Variants in C4orf51 observed in about 807,000 individuals in gnomAD.
C4orf51 encodes uncharacterized protein C4orf51.
C4orf51 carries 25 observed loss-of-function variants against 25.2 expected under a neutral mutation model. That is an observed-to-expected ratio of 0.99 (90% confidence interval 0.72 to 1.39). The LOEUF is 1.39. C4orf51 is among the 40% of genes most tolerant of loss of function. The probability of loss-of-function intolerance (pLI) is 0.00; values close to 1 mark genes in which losing one functional copy is unlikely to be tolerated. For synonymous variants in C4orf51, 100 were observed against 84.5 expected (o/e 1.18, Z -1.01); for missense variants, 252 against 239.6 (o/e 1.05, Z -0.34).
In C4orf51 at chr4:145,763,089, C is replaced by T. The variant is rs1457169568; in HGVS notation, n.167-7899C>T. The T allele has an allele frequency of 6.5e-7, 1 of 1,535,896 alleles. No individual in the cohort carries two copies. Among genetic ancestry groups the T allele is most frequent in the Non-Finnish European group, 8.7e-7 (1 of 1,146,834 alleles). ...AACCCCTACGCCAAGCTGGGCCTTA[C>T]CTAGAGGAGTCTGAAACTCACCACT... On this transcript the variant is annotated intron_variant and non_coding_transcript_variant, in intron 1 of 1. Coordinates refer to the C4orf51 transcript ENST00000510096. The surrounding 1 kb of genome is among the most constrained non-coding windows in gnomAD (Gnocchi z 4.6).
chr4:145,720,142 T>C (rs1333604800), intron 2 of C4orf51, among the ~76,000 whole-genome samples: 1 of 151,998 alleles, frequency 6.6e-6, no homozygotes, highest in Non-Finnish European at 1.5e-5. Flanking sequence ...GAGGGAGGCT[T>C]TTTCCATGGG....
intron 1 of C4orf51, among the ~76,000 whole-genome samples, chr4:145,747,753 T>G (rs570544671): frequency 2.1e-5 from 3 of 145,370 alleles, no homozygotes; most frequent in Admixed American, 2.1e-4. Context: ...TTTTCCTTCC[T>G]TCCTTCCTTC....
chr4:145,765,646 C>G lies in C4orf51; in HGVS notation n.167-5342C>G. 6.2e-7 allele frequency: 1 copy of G among 1,614,142 alleles called. No homozygotes were observed. Among genetic ancestry groups the G allele is most frequent in the Non-Finnish European group, 8.5e-7 (1 of 1,180,008 alleles). ...CCGCCCTTGTTTTTCTGGGAGCCATCTGAATCATCTTTGCTGTTGGCTGAA... is the reference window on the plus strand; with the variant it reads ...CCGCCCTTGTTTTTCTGGGAGCCATGTGAATCATCTTTGCTGTTGGCTGAA... On this transcript the variant is annotated intron_variant and non_coding_transcript_variant, in intron 1 of 1. Transcript: ENST00000510096. This position sits in a 1 kb window ranked among gnomAD's most constrained non-coding sequence, Gnocchi z 4.7.
chr4:145,687,606 AG>A (rs1389654115), intron 1 of C4orf51, among the ~76,000 whole-genome samples: 1 of 152,232 alleles, frequency 6.6e-6, no homozygotes, highest in Non-Finnish European at 1.5e-5. Flanking sequence ...AAAGAGAAAA[AG>A]TTGTGATAAC....
intron 1 of C4orf51, among the ~76,000 whole-genome samples, chr4:145,695,209 G>A (rs1729970267): frequency 6.6e-6 from 1 of 152,200 alleles, no homozygotes; most frequent in South Asian, 2.1e-4. Context: ...TACCAACAGT[G>A]TAAAAGTGTT....
chr4:145,769,799 C>A (rs1385393699), intron 1 of C4orf51, among the ~76,000 whole-genome samples: 1 of 152,148 alleles, frequency 6.6e-6, no homozygotes, highest in African/African-American at 2.4e-5. Flanking sequence ...GGACAACCAG[C>A]TGAAGAGAAC....
rs763205195 is a variant in C4orf51, at chr4:145,729,136, G to T, written c.367-33G>T. 20 of 1,377,432 alleles carry T rather than the reference G, an allele frequency of 1.5e-5. No individual in the cohort carries two copies. In the South Asian group the frequency reaches 2.4e-4, roughly 17 times the overall value. The allele number at this position is 1,377,432 out of a possible 1,614,324, so 85.3% of individuals were successfully genotyped here. A position where few individuals can be genotyped will look rare whatever the true frequency, so the allele number is the denominator to read the frequency against. ...TTAGATTTCTATTATTATGAAAGTGGTTGGTATTTATTTCTATCTCTCCTT... is the reference window on the plus strand; with the variant it reads ...TTAGATTTCTATTATTATGAAAGTGTTTGGTATTTATTTCTATCTCTCCTT... On this transcript the variant is annotated intron_variant, in intron 3 of 5. Transcript: ENST00000438731.
rs547075220 is a variant in C4orf51 at position 145,729,297 on chromosome 4, A to ATTTTTTTTTTTT, written c.427+81_427+92dup. The ATTTTTTTTTTTT allele has an allele frequency of 9.2e-5, 27 of 292,886 alleles. 1 individual carries two copies. The highest frequency in any genetic ancestry group is 1.5e-4 in the African/African-American group (3 of 20,378). The allele number at this position is 292,886 out of a possible 1,614,324, so 18.1% of individuals were successfully genotyped here. A position where few individuals can be genotyped will look rare whatever the true frequency, so the allele number is the denominator to read the frequency against. ...CCTTTATTTTAATCGTGGTCATGTG[A>ATTTTTTTTTTTT]TTTTTTTTTTTTTTTTTTTTTTTTG... On this transcript the variant is annotated intron_variant, in intron 4 of 5. Coordinates refer to ENST00000438731, the MANE Select transcript of C4orf51 (RefSeq NM_001080531.3).
chr4:145,740,240 CAA>C (rs60310006), intron 1 of C4orf51, among the ~76,000 whole-genome samples: 274 of 104,600 alleles, frequency 2.6e-3, no homozygotes, highest in Non-Finnish European at 3.0e-3. Flanking sequence ...TCCCTTTCTG[CAA>C]AAAAAAAAAA....
At chr4:145,778,277 G>C in the C4orf51 span, among the ~76,000 whole-genome samples, 14 of 152,020 alleles carry the variant, frequency 9.2e-5, no homozygotes, top group Non-Finnish European at 1.9e-4. Flanking sequence ...GGGATTACAA[G>C]CGTGCACCAC....
chr4:145,728,174 GGT>G, intron 3 of C4orf51, among the ~76,000 whole-genome samples: 1 of 149,730 alleles, frequency 6.7e-6, no homozygotes, highest in Non-Finnish European at 1.5e-5. Flanking sequence ...ATCTCTTCAG[GGT>G]ACGTTCCCAT....
intron 1 of C4orf51, among the ~76,000 whole-genome samples, chr4:145,692,374 T>G (rs1729636804): frequency 6.6e-6 from 1 of 152,280 alleles, no homozygotes; most frequent in East Asian, 1.9e-4. Flanking sequence ...CAAACTATAG[T>G]GTTTAGTGAC....
chr4:145,756,371 C>G (rs193054757), downstream of C4orf51, among the ~76,000 whole-genome samples: 15 of 152,260 alleles, frequency 9.9e-5, no homozygotes, highest in Admixed American at 3.3e-4. Flanking sequence ...GATTAAAATT[C>G]AATCAAAGGC....
At chr4:145,709,045 T>C (rs1406669046) in intron 2 of C4orf51, among the ~76,000 whole-genome samples, 2 of 152,138 alleles carry the variant, frequency 1.3e-5, no homozygotes, top group Admixed American at 1.3e-4. Context: ...GTGAGAAGAA[T>C]ACTCATGGGA....
At chr4:145,719,546 G>A (rs537865544) in intron 2 of C4orf51, among the ~76,000 whole-genome samples, 4 of 135,764 alleles carry the variant, frequency 2.9e-5, no homozygotes, top group Admixed American at 8.3e-5. Context: ...CAGAGATTGC[G>A]CCACTGCACT....
chr4:145,703,254 T>C lies in C4orf51; in HGVS notation c.307+6622T>C, dbSNP rs933131005. On this transcript the variant is annotated intron_variant, in intron 2 of 5. Transcript: ENST00000438731. ...TGATGACATTACCTTGTGAAAGTCC[T>C]TTTCCTGGCTCATCCTGGCTCAAAA... 4.6e-5 allele frequency among the ~76,000 whole-genome samples: 5 copies of C among 108,548 alleles called. No individual in the cohort carries two copies. The Admixed American group carries it at 5.4e-4, about 12-fold the overall frequency. The allele number at this position is 108,548 out of a possible 152,430, so 71.2% of individuals were successfully genotyped here.
At chr4:145,735,415 T>C (rs561055158), downstream of C4orf51, among the ~76,000 whole-genome samples, 8 of 152,280 alleles carry the variant, frequency 5.3e-5, no homozygotes, top group East Asian at 1.5e-3. Context: ...AGGTGTACAT[T>C]TTTTTCTGTT....
chr4:145,684,265 G>A (rs757513908), intron 1 of C4orf51, among the ~76,000 whole-genome samples: 16 of 152,112 alleles, frequency 1.1e-4, no homozygotes, highest in Non-Finnish European at 2.1e-4. Context: ...GGCAGATCAT[G>A]AGGTCAGGAG....
At position 145,768,911 on chromosome 4, in the gene C4orf51, ATAT is replaced by A. The variant is rs1735799984; in HGVS notation, n.167-2076_167-2074del. 3.8e-4 allele frequency among the ~76,000 whole-genome samples: 18 copies of A among 47,458 alleles called. 3 individuals are homozygous for A. The highest frequency in any genetic ancestry group is 6.8e-4 in the Non-Finnish European group (15 of 22,044). 31.1% of individuals were successfully genotyped at this position (47,458 alleles called of 152,430 possible). A position where few individuals can be genotyped will look rare whatever the true frequency, so the allele number is the denominator to read the frequency against. ...AAAAAATATATATATATATATATAT[ATAT>A]ATTAGGTATACAAAGTTTGGAAATA... On this transcript the variant is annotated intron_variant and non_coding_transcript_variant, in intron 1 of 1. Coordinates refer to the C4orf51 transcript ENST00000510096.
Sources: allele counts gnomAD v4.1 joint callset (sites outside exome capture counted in the v4.1 genomes callset), GRCh38; gene constraint gnomAD v4.1.1; non-coding constraint Gnocchi (gnomAD v3.1); transcripts MANE v1.5; gene names NCBI Gene and HGNC (gene_info 2026-07-23, HGNC 2026-07-21).